RAPGEF4: variants seen among roughly 807,000 people sequenced by gnomAD.
RAPGEF4 encodes the protein RAP guanine-nucleotide-exchange factor (GEF) 4.
RAPGEF4 carries 66 observed loss-of-function variants against 147.9 expected under a neutral mutation model. The ratio of observed to expected loss-of-function variants is 0.45; its 90% CI spans 0.37 to 0.55. The LOEUF is 0.55. RAPGEF4 is among the 20% of genes least tolerant of loss of function. The pLI, the probability that RAPGEF4 is intolerant of heterozygous loss-of-function variation, is 0.00. For missense variants in RAPGEF4, 1,071 were observed against 1,257.3 expected, an observed-to-expected ratio of 0.85 and a Z score of 2.24; for synonymous variants, 419 against 442.7, an observed-to-expected ratio of 0.95 and a Z score of 0.67.
At chr2:173,035,110 A>G (rs968045161) in intron 27 of RAPGEF4, among the ~76,000 whole-genome samples, 1 of 151,858 alleles carries the variant, frequency 6.6e-6, no homozygotes, top group African/African-American at 2.4e-5. Context: ...GCTGGAGTGC[A>G]GTGGTGCAAT....
intron 6 of RAPGEF4, among the ~76,000 whole-genome samples, chr2:172,937,025 C>T (rs920228814): frequency 5.7e-5 from 7 of 121,918 alleles, no homozygotes; most frequent in African/African-American, 2.2e-4. Context: ...CACAGTGAGA[C>T]TCCTCTCTCT....
chr2:172,739,300 G>T (rs1694093651), intron 1 of RAPGEF4, among the ~76,000 whole-genome samples: 1 of 151,904 alleles, frequency 6.6e-6, no homozygotes, highest in East Asian at 1.9e-4. Flanking sequence ...CCCACTATTT[G>T]GGACTTAAGA....
intron 3 of RAPGEF4, among the ~76,000 whole-genome samples, chr2:172,812,664 A>AATAACC (rs1688136469): frequency 1.3e-5 from 2 of 152,220 alleles, no homozygotes; most frequent in Non-Finnish European, 2.9e-5. Flanking sequence ...ATACTTCGCA[A>AATAACC]ATAACCATAT....
intron 4 of RAPGEF4, among the ~76,000 whole-genome samples, chr2:172,846,447 C>T (rs1692202538): frequency 6.6e-6 from 1 of 152,322 alleles, no homozygotes; most frequent in Non-Finnish European, 1.5e-5. Context: ...AATAGTATTT[C>T]ATTGACTGGA....
At chr2:173,033,042 AG>A (rs1455648892) in intron 26 of RAPGEF4, among the ~76,000 whole-genome samples, 6 of 152,262 alleles carry the variant, frequency 3.9e-5, no homozygotes, top group Admixed American at 2.6e-4. Context: ...AACTAAGCAA[AG>A]TAGGAACCAA....
intron 15 of RAPGEF4, 80 bp from the exon 16 acceptor site, chr2:172,996,386 A>G (rs1693365617): frequency 1.3e-6 from 1 of 799,852 alleles, no homozygotes; most frequent in Middle Eastern, 3.7e-4. Flanking sequence ...TTAAAAAAAA[A>G]AAAAACTTAG....
intron 1 of RAPGEF4, among the ~76,000 whole-genome samples, chr2:172,743,463 C>A (rs1694484542): frequency 6.6e-6 from 1 of 152,186 alleles, no homozygotes; most frequent in African/African-American, 2.4e-5. Flanking sequence ...GTTTCCTTTG[C>A]TGTAACTGCT....
At chr2:172,807,286 G>A (rs72908109) in intron 3 of RAPGEF4, among the ~76,000 whole-genome samples, 1 of 152,350 alleles carries the variant, frequency 6.6e-6, no homozygotes, top group Non-Finnish European at 1.5e-5. Flanking sequence ...CTGAAATGAG[G>A]CTGGCCTCCC....
chr2:173,047,893 G>A (rs1176092915), intron 29 of RAPGEF4, among the ~76,000 whole-genome samples: 2 of 152,116 alleles, frequency 1.3e-5, no homozygotes, highest in African/African-American at 4.8e-5. Context: ...AGCCAGGATG[G>A]TCTCGATCTC....
chr2:172,736,511 C>G (rs1413154872), intron 1 of RAPGEF4, among the ~76,000 whole-genome samples: 6 of 152,148 alleles, frequency 3.9e-5, no homozygotes, highest in Non-Finnish European at 8.8e-5. Flanking sequence ...TGTGAGGGAC[C>G]CGGTGGAGCT....
intron 16 of RAPGEF4, among the ~76,000 whole-genome samples, chr2:172,998,946 G>C (rs1693634840): frequency 6.6e-6 from 1 of 152,184 alleles, no homozygotes; most frequent in South Asian, 2.1e-4. Flanking sequence ...GGCAAGTATA[G>C]CCTTCCTTTC....
chr2:172,831,529 A>T (rs1405635484), intron 4 of RAPGEF4, among the ~76,000 whole-genome samples: 3 of 151,956 alleles, frequency 2.0e-5, no homozygotes, highest in Non-Finnish European at 2.9e-5. Flanking sequence ...TCAGCTGCCC[A>T]AAGTGTTGGA....
At chr2:172,788,049 A>G (rs920049523) in intron 1 of RAPGEF4, among the ~76,000 whole-genome samples, 88 of 152,188 alleles carry the variant, frequency 5.8e-4, no homozygotes, top group Non-Finnish European at 2.1e-4. Context: ...TCTAACTCAT[A>G]GACAGCACCT....
At chr2:172,868,309 G>T (rs575365494) in intron 4 of RAPGEF4, among the ~76,000 whole-genome samples, 15 of 152,304 alleles carry the variant, frequency 9.8e-5, no homozygotes, top group African/African-American at 3.4e-4. Flanking sequence ...AGGTTCATTT[G>T]AAATTCACAG....
intron 6 of RAPGEF4, among the ~76,000 whole-genome samples, chr2:172,931,195 C>T (rs928355077): frequency 6.3e-4 from 8 of 12,602 alleles, no homozygotes; most frequent in Admixed American, 1.1e-3. Context: ...CGCTGGGGGG[C>T]GGGGGGACTG....
chr2:172,794,922 G>A (rs1686220492), intron 1 of RAPGEF4, 103 bp from the exon 2 acceptor site: 5 of 1,117,028 alleles, frequency 4.5e-6, no homozygotes, highest in African/African-American at 3.1e-5. Flanking sequence ...ATTCACAAGT[G>A]GGATATTTGG....
At chr2:173,038,086 C>T (rs1024379487) in intron 29 of RAPGEF4, among the ~76,000 whole-genome samples, 3 of 152,170 alleles carry the variant, frequency 2.0e-5, no homozygotes, top group African/African-American at 4.8e-5. Context: ...CACGAGTACA[C>T]ACTCCTCAAA....
intron 1 of RAPGEF4, among the ~76,000 whole-genome samples, chr2:172,777,938 A>G (rs1341302872): frequency 1.3e-5 from 2 of 152,122 alleles, no homozygotes. Context: ...CAGTTACTCC[A>G]TTACAGCCAG....
Position 172,965,622 on chromosome 2 carries a change from C to T in RAPGEF4, c.759C>T (p.His253=). Residue 253 remains histidine (H), a synonymous_variant, in exon 9 of 31, where the codon CAC becomes CAT. Transcript: ENST00000397081. ...TGATGCAGCAGACACCATGTGTTCA[C>T]TCCCGGACTCAAGCTGTTGGCATGT... is the stretch of plus-strand genomic sequence containing the variant. ...DWMMQQTPCV[H]SRTQAVGMWQ... is the part of the protein sequence containing the mutation. The T allele has an allele frequency of 6.2e-7, 1 of 1,614,070 alleles. No individual in the cohort carries two copies. The highest frequency in any genetic ancestry group is 1.1e-5 in the South Asian group (1 of 91,068).
Sources: gnomAD v4.1 joint callset for allele counts (sites outside exome capture counted in the v4.1 genomes callset) on GRCh38, gnomAD v4.1.1 for gene constraint, MANE v1.5 for transcripts, NCBI Gene and HGNC (gene_info 2026-07-23, HGNC 2026-07-21) for gene names.